Variants in JUP observed in about 807,000 individuals in gnomAD.
The protein encoded by JUP is junction plakoglobin.
Under a neutral mutation model 71.1 loss-of-function variants are expected in JUP, and 28 were observed. The ratio of observed to expected loss-of-function variants is 0.39; its 90% CI spans 0.29 to 0.54. The LOEUF is 0.54. JUP is among the 20% of genes least tolerant of loss of function. JUP has a pLI of 0.62. For missense variants in JUP, 869 were observed against 1,030.1 expected (o/e 0.84, Z 2.14); for synonymous variants, 401 against 438.9 (o/e 0.91, Z 1.08).
intron 5 of JUP, among the ~76,000 whole-genome samples, chr17:41,766,306 G>A (rs72835665): frequency 0.42 from 62,140 of 148,322 alleles, 14,610 homozygotes; most frequent in Non-Finnish European, 0.54. Context: ...AGGAAGAGAG[G>A]GAAAGGAAAA....
In JUP at chr17:41,769,226, G is replaced by A. The variant is rs1555605491; in HGVS notation, c.469-19C>T. Reference sequence around the variant, plus strand: ...CCACCACCTGGAGGGCAAAGGCAGGGGCGGGGACGTGAGCACTAAGGAGAG... The same window carrying A: ...CCACCACCTGGAGGGCAAAGGCAGGAGCGGGGACGTGAGCACTAAGGAGAG... On this transcript the variant is annotated intron_variant, in intron 3 of 13. Transcript: ENST00000393931. 6.3e-7 allele frequency: 1 copy of A among 1,596,754 alleles called. No homozygotes were observed. The highest frequency in any genetic ancestry group is 1.1e-5 in the South Asian group (1 of 90,984).
chr17:41,762,176 A>AGAGAGT (rs1914988239), intron 8 of JUP, among the ~76,000 whole-genome samples: 7 of 44,832 alleles, frequency 1.6e-4, no homozygotes, highest in Admixed American at 3.3e-4. Flanking sequence ...AGAGAGAGAG[A>AGAGAGT]GTGTGTGTGT....
At chr17:41,772,058 C>A in intron 1 of JUP, 196 bp from the exon 2 acceptor site, 3 of 664,826 alleles carry the variant, frequency 4.5e-6, no homozygotes, top group East Asian at 2.7e-5. Flanking sequence ...CGACGAGATA[C>A]CCTGGGAGCA....
chr17:41,771,131 G>A (rs1179159605), intron 2 of JUP, among the ~76,000 whole-genome samples: 2 of 152,192 alleles, frequency 1.3e-5, no homozygotes, highest in African/African-American at 2.4e-5. Flanking sequence ...CTGGGTTCAA[G>A]CAATTCTCCT....
intron 4 of JUP, 113 bp downstream of exon 4, chr17:41,768,856 C>T (rs1383259952): frequency 1.1e-6 from 1 of 876,314 alleles, no homozygotes; most frequent in Non-Finnish European, 1.8e-6. Context: ...GGGTGTGCTT[C>T]TGCCTGGCAC....
At position 41,755,650 on chromosome 17, in the gene JUP, G is replaced by A. The variant is rs1338275778; in HGVS notation, c.*94C>T. 1 of 1,264,446 alleles carries A rather than the reference G, an allele frequency of 7.9e-7. No individual in the cohort carries two copies. Among genetic ancestry groups the A allele is most frequent in the Admixed American group, 2.4e-5 (1 of 41,096 alleles). 78.3% of individuals were successfully genotyped at this position (1,264,446 alleles called of 1,614,324 possible). On this transcript the variant is annotated 3_prime_UTR_variant, in exon 14 of 14. Transcript: ENST00000393931. Reference sequence around the variant, plus strand: ...GGATCCCCCCAAAAAAGGAGCGCAGGTTTCAGCGGGGAGATGGGAGGGCCT... The same window carrying A: ...GGATCCCCCCAAAAAAGGAGCGCAGATTTCAGCGGGGAGATGGGAGGGCCT...
intron 10 of JUP, chr17:41,758,164 TTTTTTTG>T (rs1257714715): frequency 5.5e-6 from 3 of 546,724 alleles, no homozygotes; most frequent in Middle Eastern, 4.9e-4. Context: ...GAATCTCAAG[TTTTTTTG>T]TTTTTTGTTT....
chr17:41,786,301 G>C (rs2047454348), intron 1 of JUP: 1 of 152,376 alleles, frequency 6.6e-6, no homozygotes, highest in Non-Finnish European at 1.5e-5. Context: ...ACGCGGCGTC[G>C]GGCGAGCTGC....
chr17:41,769,075 T>C lies in JUP; in HGVS notation c.601A>G (p.Thr201Ala), dbSNP rs781999758. 6.2e-6 allele frequency: 10 copies of C among 1,613,196 alleles called. No homozygotes were observed. In the East Asian group the frequency reaches 1.8e-4, roughly 29 times the overall value. ...AGGATGCTGGTGGTGCAGCGGGCTG[T>C]GTCCAGGTCGCTGGTATTCTGCATG... ...RTMQNTSDLD[T>A]ARCTTSILHN... is the part of the protein sequence containing the mutation. The change falls in exon 4 of 14, where the codon ACA becomes GCA. Residue 201 changes from threonine (T) to alanine (A), a missense_variant. Transcript: ENST00000393931.
At chr17:41,759,063 T>C (rs1234659981) in intron 8 of JUP, among the ~76,000 whole-genome samples, 193 bp from the exon 9 acceptor site, 1 of 144,374 alleles carries the variant, frequency 6.9e-6, no homozygotes, top group East Asian at 2.0e-4. Flanking sequence ...GGAGTGCTCA[T>C]GGCTAATTCT....
chr17:41,782,192 G>T (rs1260755518), intron 1 of JUP, among the ~76,000 whole-genome samples: 3 of 152,156 alleles, frequency 2.0e-5, no homozygotes, highest in East Asian at 3.9e-4. Flanking sequence ...GGCAGGTCTG[G>T]AGAACAATCT....
At chr17:41,758,189 C>A in intron 10 of JUP, 8 of 468,582 alleles carry the variant, frequency 1.7e-5, no homozygotes, top group South Asian at 4.5e-5. Flanking sequence ...TTTTTTTTTT[C>A]CATTTGTGAT....
chr17:41,758,988 G>T, intron 8 of JUP, 118 bp from the exon 9 acceptor site: 2 of 1,031,444 alleles, frequency 1.9e-6, no homozygotes, highest in Non-Finnish European at 1.4e-6. Context: ...GCCAGACACA[G>T]ACATACTGGA....
chr17:41,766,425 T>G (rs1555604075), intron 5 of JUP, among the ~76,000 whole-genome samples: 1 of 152,088 alleles, frequency 6.6e-6, no homozygotes, highest in East Asian at 1.9e-4. Context: ...AAAATTTTTT[T>G]TAAACATCAT....
At chr17:41,756,467 G>A (rs563177774) in intron 12 of JUP, among the ~76,000 whole-genome samples, 1 of 152,284 alleles carries the variant, frequency 6.6e-6, no homozygotes, top group East Asian at 1.9e-4. Context: ...GGGCGTGGTG[G>A]TGCAGGCCTG....
chr17:41,764,899 C>T (rs782740870), intron 6 of JUP, 24 bp downstream of exon 6: 11 of 1,613,938 alleles, frequency 6.8e-6, no homozygotes, highest in African/African-American at 6.7e-5. Context: ...CCACCCCAGC[C>T]GCCCTCAAGG....
At chr17:41,775,453 A>G (rs2046835618) in intron 1 of JUP, among the ~76,000 whole-genome samples, 1 of 152,218 alleles carries the variant, frequency 6.6e-6, no homozygotes, top group Non-Finnish European at 1.5e-5. Flanking sequence ...ACAAGAAACA[A>G]AAGTGCTGGT....
chr17:41,767,507 T>G lies in JUP; in HGVS notation c.781A>C (p.Lys261Gln). The change falls in exon 5 of 14, where the codon AAG (lysine) becomes CAG (glutamine). Residue 261 changes from lysine (K) to glutamine (Q), a missense_variant. Lys to Gln is a moderately conservative substitution (Grantham distance 53, BLOSUM62 1). Coordinates refer to ENST00000393931, the MANE Select transcript of JUP (RefSeq NM_002230.4). Reference protein sequence around the residue: ...HNLLLYQEGAKMAVRLADGLQ... With the variant: ...HNLLLYQEGAQMAVRLADGLQ... ...CCGTCGGCCAGGCGCACGGCCATCT[T>G]GGCGCCCTCCTGGTACAGGAGCAGG... is the stretch of plus-strand genomic sequence containing the variant. The G allele has an allele frequency of 6.4e-7, 1 of 1,553,950 alleles. No individual in the cohort carries two copies. Among genetic ancestry groups the G allele is most frequent in the Non-Finnish European group, 8.7e-7 (1 of 1,144,260 alleles).
chr17:41,773,523 C>T (rs1916977364), intron 1 of JUP, among the ~76,000 whole-genome samples: 1 of 152,158 alleles, frequency 6.6e-6, no homozygotes, highest in East Asian at 1.9e-4. Flanking sequence ...AGACGACAGG[C>T]TCGGGCCGCC....
Sources: gnomAD v4.1 joint callset for allele counts (sites outside exome capture counted in the v4.1 genomes callset) on GRCh38, gnomAD v4.1.1 for gene constraint, MANE v1.5 for transcripts, NCBI Gene and HGNC (gene_info 2026-07-23, HGNC 2026-07-21) for gene names.